The following HS6ST3 variants were observed in gnomAD, a reference collection of about 807,000 sequenced individuals.
HS6ST3 encodes heparan-sulfate 6-O-sulfotransferase 3.
HS6ST3 carries 12 observed loss-of-function variants against 36.7 expected under a neutral mutation model. That is an observed-to-expected ratio of 0.33 (90% CI 0.21 to 0.53). The LOEUF (loss-of-function observed/expected upper bound fraction) is 0.53. HS6ST3 is among the 20% of genes least tolerant of loss of function. The probability of loss-of-function intolerance (pLI) is 0.95; values close to 1 mark genes in which losing one functional copy is unlikely to be tolerated. For missense variants in HS6ST3, 584 were observed against 640.9 expected (o/e 0.91, Z 0.96); for synonymous variants, 240 against 257.5 (o/e 0.93, Z 0.65).
chr13:96,737,656 A>G (rs886596571), intron 1 of HS6ST3, among the ~76,000 whole-genome samples: 4 of 148,430 alleles, frequency 2.7e-5, no homozygotes, highest in South Asian at 4.2e-4. Flanking sequence ...AAAAAAAAAA[A>G]AGAGATTATT....
chr13:96,673,012 CA>C (rs1168909427), intron 1 of HS6ST3, among the ~76,000 whole-genome samples: 1 of 152,118 alleles, frequency 6.6e-6, no homozygotes, highest in Non-Finnish European at 1.5e-5. Context: ...GGGCTGAAAT[CA>C]AGATGTCAAC....
chr13:96,791,593 T>C (rs1179296951), intron 1 of HS6ST3, among the ~76,000 whole-genome samples: 2 of 152,034 alleles, frequency 1.3e-5, no homozygotes, highest in African/African-American at 4.8e-5. Context: ...GGAAAAATAA[T>C]ACCCCCATTG....
intron 1 of HS6ST3, among the ~76,000 whole-genome samples, chr13:96,694,205 G>A (rs528904096): frequency 6.6e-6 from 1 of 151,912 alleles, no homozygotes; most frequent in Admixed American, 6.6e-5. Flanking sequence ...AGTGTGTGTT[G>A]TTCCCCTGTC....
intron 1 of HS6ST3, among the ~76,000 whole-genome samples, chr13:96,646,098 TA>T (rs1042466072): frequency 1.3e-5 from 2 of 151,940 alleles, no homozygotes; most frequent in Admixed American, 1.3e-4. Context: ...GGACCAGTAA[TA>T]AAAGCCTCCA....
intron 1 of HS6ST3, among the ~76,000 whole-genome samples, chr13:96,356,861 T>G (rs1308236412): frequency 6.6e-6 from 1 of 152,238 alleles, no homozygotes; most frequent in Admixed American, 6.5e-5. Flanking sequence ...GATGGTATTC[T>G]TTTCTAATAT....
chr13:96,650,268 A>ATT, intron 1 of HS6ST3, among the ~76,000 whole-genome samples: 1 of 152,134 alleles, frequency 6.6e-6, no homozygotes. Flanking sequence ...GCAGAAGAAC[A>ATT]GGAATGCCAA....
intron 1 of HS6ST3, among the ~76,000 whole-genome samples, chr13:96,320,965 G>A (rs2055000188): frequency 6.6e-6 from 1 of 152,116 alleles, no homozygotes. Flanking sequence ...TTATAATGTG[G>A]ATTTCTGACC....
intron 1 of HS6ST3, among the ~76,000 whole-genome samples, chr13:96,418,274 C>T (rs1172729066): frequency 6.6e-6 from 1 of 152,116 alleles, no homozygotes; most frequent in Non-Finnish European, 1.5e-5. Flanking sequence ...GGGAATAGCT[C>T]AAATTATTTG....
At chr13:96,479,096 G>T (rs538910313) in intron 1 of HS6ST3, among the ~76,000 whole-genome samples, 1 of 152,334 alleles carries the variant, frequency 6.6e-6, no homozygotes, top group South Asian at 2.1e-4. Context: ...GCAGAGGAGT[G>T]TCAAGGGGAC....
At chr13:96,831,819 G>A (rs776520728) in intron 1 of HS6ST3, among the ~76,000 whole-genome samples, 1 of 151,866 alleles carries the variant, frequency 6.6e-6, no homozygotes. Flanking sequence ...GCTGGGTATG[G>A]TGGCAGGTGC....
chr13:96,557,519 A>C (rs184963083), intron 1 of HS6ST3, among the ~76,000 whole-genome samples: 32 of 152,320 alleles, frequency 2.1e-4, no homozygotes, highest in African/African-American at 6.0e-4. Context: ...CACATGCCCA[A>C]GGTTTGGACT....
chr13:96,360,342 G>A (rs2055231455), intron 1 of HS6ST3, among the ~76,000 whole-genome samples: 1 of 152,016 alleles, frequency 6.6e-6, no homozygotes, highest in Non-Finnish European at 1.5e-5. Flanking sequence ...GTCTTATTCA[G>A]TGCTCCATTG....
chr13:96,502,313 C>A (rs894748209), intron 1 of HS6ST3, among the ~76,000 whole-genome samples: 1 of 150,832 alleles, frequency 6.6e-6, no homozygotes, highest in Non-Finnish European at 1.5e-5. Flanking sequence ...AGTAAAGCAC[C>A]AGCATGTTGC....
rs150273738 is a variant in HS6ST3, at chr13:96,198,353, A to G, written c.707+106784A>G. On this transcript the variant is annotated intron_variant, in intron 1 of 1. Coordinates refer to ENST00000376705, the MANE Select transcript of HS6ST3 (RefSeq NM_153456.4). ...CATTTCCTCCCTGATCTTCGGGATT[A>G]ACAATAAGCTCCTTGCTACTTAGGC... Among the ~76,000 whole-genome samples, 302 of 152,312 alleles carry G rather than the reference A, an allele frequency of 2.0e-3. No homozygotes were observed. In the South Asian group the frequency reaches 0.021, roughly 10 times the overall value.
chr13:96,678,125 G>T (rs1439080584), intron 1 of HS6ST3, among the ~76,000 whole-genome samples: 2 of 151,712 alleles, frequency 1.3e-5, no homozygotes, highest in African/African-American at 4.8e-5. Flanking sequence ...GCAAAGAGAG[G>T]GTAAGCAAAA....
intron 1 of HS6ST3, among the ~76,000 whole-genome samples, chr13:96,300,646 T>G (rs2054877609): frequency 6.6e-6 from 1 of 152,152 alleles, no homozygotes; most frequent in African/African-American, 2.4e-5. Context: ...TATCTGGCTT[T>G]TAAAAATCAA....
chr13:96,544,548 A>G (rs147944755), intron 1 of HS6ST3, among the ~76,000 whole-genome samples: 1 of 152,332 alleles, frequency 6.6e-6, no homozygotes, highest in African/African-American at 2.4e-5. Context: ...ATGATCAAAT[A>G]GGGGCTTGAA....
At chr13:96,275,127 T>C (rs2054741725) in intron 1 of HS6ST3, among the ~76,000 whole-genome samples, 1 of 152,092 alleles carries the variant, frequency 6.6e-6, no homozygotes, top group Non-Finnish European at 1.5e-5. Flanking sequence ...TGATGAAGGG[T>C]TGTGTTGTGA....
intron 1 of HS6ST3, among the ~76,000 whole-genome samples, chr13:96,337,256 C>T (rs1044878367): frequency 5.9e-5 from 9 of 152,022 alleles, no homozygotes; most frequent in African/African-American, 1.7e-4. Flanking sequence ...TTAGTAGAGA[C>T]GTGGTTTCAG....
Sources: gnomAD v4.1 joint callset for allele counts (sites outside exome capture counted in the v4.1 genomes callset) on GRCh38, gnomAD v4.1.1 for gene constraint, MANE v1.5 for transcripts, NCBI Gene and HGNC (gene_info 2026-07-23, HGNC 2026-07-21) for gene names.